Variants in SLC24A4 observed in about 807,000 individuals in gnomAD.
SLC24A4 encodes sodium/potassium/calcium exchanger 4.
SLC24A4 carries 53 observed loss-of-function variants against 79.0 expected under a neutral mutation model. The ratio of observed to expected loss-of-function variants is 0.67; its 90% CI spans 0.54 to 0.84. The LOEUF (loss-of-function observed/expected upper bound fraction) is 0.84. Among genes scored for constraint, SLC24A4 ranks in the 40% least tolerant of loss-of-function variants. The probability of loss-of-function intolerance (pLI) is 0.00; values close to 1 mark genes in which losing one functional copy is unlikely to be tolerated. For missense variants in SLC24A4, 731 were observed against 822.0 expected (o/e 0.89, Z 1.35); for synonymous variants, 323 against 323.8 (o/e 1.00, Z 0.03).
At chr14:92,375,020 C>G (rs1888424109) in intron 2 of SLC24A4, among the ~76,000 whole-genome samples, 2 of 152,162 alleles carry the variant, frequency 1.3e-5, no homozygotes, top group South Asian at 4.1e-4. Flanking sequence ...GAGGCTATGC[C>G]CTCTGTCTTC....
chr14:92,475,240 A>G (rs1389365019), intron 12 of SLC24A4, among the ~76,000 whole-genome samples: 1 of 152,156 alleles, frequency 6.6e-6, no homozygotes, highest in Non-Finnish European at 1.5e-5. Flanking sequence ...AATGTTGCTT[A>G]CCTTGTCTTT....
At chr14:92,372,954 T>C (rs1888273356) in intron 2 of SLC24A4, among the ~76,000 whole-genome samples, 1 of 144,926 alleles carries the variant, frequency 6.9e-6, no homozygotes, top group Non-Finnish European at 1.5e-5. Flanking sequence ...TCTCTCTCTC[T>C]CTCCCTCTCT....
chr14:92,456,968 T>G (rs1893512622), intron 12 of SLC24A4, among the ~76,000 whole-genome samples: 1 of 152,222 alleles, frequency 6.6e-6, no homozygotes, highest in Non-Finnish European at 1.5e-5. Context: ...AGGGACATTC[T>G]TGCACTCTCT....
chr14:92,382,481 A>G (rs550906392), intron 2 of SLC24A4, among the ~76,000 whole-genome samples: 29 of 152,332 alleles, frequency 1.9e-4, no homozygotes, highest in South Asian at 1.0e-3. Flanking sequence ...CCTTACACAT[A>G]GTAAGTGCTC....
At chr14:92,411,962 T>C (rs528903360) in intron 2 of SLC24A4, among the ~76,000 whole-genome samples, 9 of 151,454 alleles carry the variant, frequency 5.9e-5, no homozygotes, top group Admixed American at 5.9e-4. Context: ...AAAAAAACCC[T>C]GGACTGAGCA....
chr14:92,386,449 CCTACAAT>C (rs1889161544), intron 2 of SLC24A4, among the ~76,000 whole-genome samples: 1 of 152,142 alleles, frequency 6.6e-6, no homozygotes, highest in Non-Finnish European at 1.5e-5. Flanking sequence ...CCCTGGAGTG[CCTACAAT>C]CTGCGGGGTG....
rs953039907 is a variant in SLC24A4, at chr14:92,484,163, C to A, written c.1422+1317C>A. Reference sequence around the variant, plus strand: ...TCCTGTCTCTTCCCTCCCCCCAACCCAATCACGCCTTCCCCCATCTCTCCC... The same window carrying A: ...TCCTGTCTCTTCCCTCCCCCCAACCAAATCACGCCTTCCCCCATCTCTCCC... On this transcript the variant is annotated intron_variant, in intron 13 of 16. Coordinates refer to ENST00000532405, the MANE Select transcript of SLC24A4 (RefSeq NM_153646.4). 1.8e-5 allele frequency: 18 copies of A among 985,386 alleles called. No homozygotes were observed. In the African/African-American group the frequency reaches 3.1e-4, roughly 17 times the overall value. The allele number at this position is 985,386 out of a possible 1,614,324, so 61.0% of individuals were successfully genotyped here.
At chr14:92,401,151 T>C (rs1890093148) in intron 2 of SLC24A4, among the ~76,000 whole-genome samples, 1 of 152,116 alleles carries the variant, frequency 6.6e-6, no homozygotes, top group African/African-American at 2.4e-5. Context: ...AGGAAGAGTC[T>C]GAAAACCCCT....
At chr14:92,467,691 G>A (rs971838399) in intron 12 of SLC24A4, among the ~76,000 whole-genome samples, 1 of 152,162 alleles carries the variant, frequency 6.6e-6, no homozygotes, top group African/African-American at 2.4e-5. Context: ...GTGCTGGGAG[G>A]AAAAGTAGGA....
intron 2 of SLC24A4, among the ~76,000 whole-genome samples, chr14:92,341,469 A>C (rs1886137905): frequency 6.6e-6 from 1 of 152,156 alleles, no homozygotes; most frequent in South Asian, 2.1e-4. Flanking sequence ...CGATTAATGG[A>C]GTAGATAGAA....
At chr14:92,442,617 T>C (rs1280438351) in intron 5 of SLC24A4, 96 bp from the exon 6 acceptor site, 1 of 865,110 alleles carries the variant, frequency 1.2e-6, no homozygotes, top group Non-Finnish European at 1.9e-6. Context: ...TGTTTGTTAG[T>C]AAAGCAACCC....
At chr14:92,443,575 T>C (rs921540804) in intron 7 of SLC24A4, 101 bp downstream of exon 7, 64 of 1,205,292 alleles carry the variant, frequency 5.3e-5, no homozygotes, top group Non-Finnish European at 7.6e-5. Flanking sequence ...CAGAGAGGAC[T>C]CACAGCACAC....
chr14:92,423,218 C>T (rs1358874232), intron 2 of SLC24A4, among the ~76,000 whole-genome samples: 2 of 152,176 alleles, frequency 1.3e-5, no homozygotes, highest in Non-Finnish European at 2.9e-5. Flanking sequence ...GATCTCGGCT[C>T]ACTGCAATCT....
chr14:92,460,675 C>T (rs1893747391), intron 12 of SLC24A4, among the ~76,000 whole-genome samples: 1 of 152,176 alleles, frequency 6.6e-6, no homozygotes, highest in East Asian at 1.9e-4. Context: ...CAGCCATGGT[C>T]CCTGCCCTCT....
chr14:92,484,642 C>A, intron 13 of SLC24A4: 1 of 985,418 alleles, frequency 1.0e-6, no homozygotes, highest in African/African-American at 1.7e-5. Flanking sequence ...CAGGCACTCA[C>A]ACTTGGAACA....
At chr14:92,350,350 T>G (rs1886799097) in intron 2 of SLC24A4, among the ~76,000 whole-genome samples, 1 of 152,198 alleles carries the variant, frequency 6.6e-6, no homozygotes, top group Non-Finnish European at 1.5e-5. Flanking sequence ...CTCTGTCCTT[T>G]CAGGTATTTC....
At chr14:92,430,350 C>G (rs1305746717) in intron 2 of SLC24A4, among the ~76,000 whole-genome samples, 3 of 152,216 alleles carry the variant, frequency 2.0e-5, no homozygotes, top group African/African-American at 7.2e-5. Flanking sequence ...GTTTGGATCC[C>G]TGAACGGGCA....
At chr14:92,374,439 G>A (rs1888384710) in intron 2 of SLC24A4, among the ~76,000 whole-genome samples, 1 of 152,230 alleles carries the variant, frequency 6.6e-6, no homozygotes, top group Non-Finnish European at 1.5e-5. Context: ...TCTCTTGGAA[G>A]GCGGAGTAAA....
chr14:92,416,723 G>T (rs776773694), intron 2 of SLC24A4, among the ~76,000 whole-genome samples: 2 of 152,154 alleles, frequency 1.3e-5, no homozygotes, highest in Non-Finnish European at 2.9e-5. Flanking sequence ...ACTAAGGAAC[G>T]ATGTAATTTT....
Sources: allele counts gnomAD v4.1 joint callset (sites outside exome capture counted in the v4.1 genomes callset), GRCh38; gene constraint gnomAD v4.1.1; transcripts MANE v1.5; gene names NCBI Gene and HGNC (gene_info 2026-07-23, HGNC 2026-07-21).